The following CNTN5 variants were observed in gnomAD, a reference collection of about 807,000 sequenced individuals.
CNTN5 encodes contactin-5.
Under a neutral mutation model 129.1 loss-of-function variants are expected in CNTN5, and 77 were observed. The ratio of observed to expected loss-of-function variants is 0.60; its 90% confidence interval spans 0.50 to 0.72. The LOEUF (loss-of-function observed/expected upper bound fraction) is 0.72. CNTN5 is among the 30% of genes least tolerant of loss of function. The pLI, the probability that CNTN5 is intolerant of heterozygous loss-of-function variation, is 0.00. For synonymous variants in CNTN5, 509 were observed against 465.6 expected (o/e 1.09, Z -1.20); for missense variants, 1,478 against 1,328.8 (o/e 1.11, Z -1.75).
chr11:99,945,987 G>T (rs1193064968), intron 7 of CNTN5, among the ~76,000 whole-genome samples: 1 of 151,838 alleles, frequency 6.6e-6, no homozygotes, highest in Non-Finnish European at 1.5e-5. Flanking sequence ...TTCTTACCCT[G>T]TTCGTTGTTT....
At chr11:100,332,971 G>A (rs1951937865) in intron 21 of CNTN5, among the ~76,000 whole-genome samples, 1 of 152,066 alleles carries the variant, frequency 6.6e-6, no homozygotes, top group Non-Finnish European at 1.5e-5. Flanking sequence ...AAGAAATAAA[G>A]GGCATCCAAA....
At chr11:99,746,833 T>C (rs1383566482) in intron 3 of CNTN5, among the ~76,000 whole-genome samples, 1 of 152,218 alleles carries the variant, frequency 6.6e-6, no homozygotes, top group Non-Finnish European at 1.5e-5. Context: ...TATAGTGTCA[T>C]AGTAATCTTG....
intron 13 of CNTN5, among the ~76,000 whole-genome samples, chr11:100,117,315 G>A (rs1773243417): frequency 6.6e-6 from 1 of 151,740 alleles, no homozygotes; most frequent in African/African-American, 2.4e-5. Context: ...CCACATCCCT[G>A]TACTTTCAGT....
intron 3 of CNTN5, among the ~76,000 whole-genome samples, chr11:99,750,073 A>G (rs1944181314): frequency 6.6e-6 from 1 of 152,200 alleles, no homozygotes; most frequent in African/African-American, 2.4e-5. Flanking sequence ...CTGTGGATTG[A>G]TATATGAGAG....
chr11:100,292,780 G>T (rs1951018215), intron 18 of CNTN5, among the ~76,000 whole-genome samples: 1 of 151,918 alleles, frequency 6.6e-6, no homozygotes, highest in African/African-American at 2.4e-5. Context: ...TCATAAAATT[G>T]GTTTCCCTAA....
chr11:99,144,236 G>A (rs752431484), intron 1 of CNTN5, among the ~76,000 whole-genome samples: 37 of 152,024 alleles, frequency 2.4e-4, no homozygotes, highest in Admixed American at 9.8e-4. Flanking sequence ...TTTGAATTAA[G>A]AATAAATTCT....
chr11:99,860,656 T>C (rs181681967), intron 6 of CNTN5, among the ~76,000 whole-genome samples: 11 of 152,294 alleles, frequency 7.2e-5, no homozygotes, highest in African/African-American at 2.6e-4. Context: ...TTCTGTTCCA[T>C]TGGTCTGATT....
intron 2 of CNTN5, among the ~76,000 whole-genome samples, chr11:99,356,159 T>G (rs1394035598): frequency 6.7e-6 from 1 of 150,162 alleles, no homozygotes; most frequent in East Asian, 2.0e-4. Flanking sequence ...AATACGGACA[T>G]TTTTTACACT....
chr11:99,227,372 AG>A (rs200724864), intron 1 of CNTN5, among the ~76,000 whole-genome samples: 2,476 of 151,666 alleles, frequency 0.016, 34 homozygotes, highest in African/African-American at 0.035. Context: ...AAAAAAAAAA[AG>A]AAAGAAAAAT....
intron 9 of CNTN5, among the ~76,000 whole-genome samples, chr11:100,052,541 A>T (rs1297116453): frequency 1.3e-5 from 2 of 151,810 alleles, no homozygotes; most frequent in Admixed American, 1.3e-4. Flanking sequence ...TTTGCATAAC[A>T]TTTATGAGAG....
intron 7 of CNTN5, among the ~76,000 whole-genome samples, chr11:99,918,678 G>T (rs1363810429): frequency 6.6e-6 from 1 of 152,134 alleles, no homozygotes; most frequent in Non-Finnish European, 1.5e-5. Flanking sequence ...ATATGGTACA[G>T]TATAGCATAG....
chr11:99,452,744 C>T lies in CNTN5; in HGVS notation c.-70-103401C>T, dbSNP rs138638071. On this transcript the variant is annotated intron_variant, in intron 2 of 24. Coordinates refer to ENST00000524871, the MANE Select transcript of CNTN5 (RefSeq NM_014361.4). ...TGGTAGATTATTATAGTTCTATGTA[C>T]GAATAAGTCATTTCCATAGCAGTAT... Among the ~76,000 whole-genome samples, 264 of 151,946 alleles carry T rather than the reference C, an allele frequency of 1.7e-3. 2 individuals carry two copies. The highest frequency in any genetic ancestry group is 2.9e-3 in the Non-Finnish European group (194 of 67,950).
At chr11:99,767,541 A>T (rs960507803) in intron 3 of CNTN5, among the ~76,000 whole-genome samples, 1 of 151,952 alleles carries the variant, frequency 6.6e-6, no homozygotes, top group African/African-American at 2.4e-5. Context: ...AAAATAGTAC[A>T]TGCCCACATT....
chr11:100,063,105 G>A (rs1943548102), intron 10 of CNTN5, among the ~76,000 whole-genome samples: 1 of 152,060 alleles, frequency 6.6e-6, no homozygotes, highest in Admixed American at 6.6e-5. Context: ...TTCGAAGAAT[G>A]GCCCACACCT....
chr11:99,057,999 A>G (rs912431066), intron 1 of CNTN5, among the ~76,000 whole-genome samples: 1 of 152,102 alleles, frequency 6.6e-6, no homozygotes, highest in Non-Finnish European at 1.5e-5. Flanking sequence ...TTAAAAAACT[A>G]TCTGAGGCAG....
At position 99,495,096 on chromosome 11, in the gene CNTN5, G is replaced by A. The variant is rs117503105; in HGVS notation, c.-70-61049G>A. Among the ~76,000 whole-genome samples the A allele has an allele frequency of 4.6e-3, 705 of 152,222 alleles. 21 individuals carry two copies. In the East Asian group the frequency reaches 0.092, roughly 20 times the overall value. ...TTTATTTAAATCACCCCTGCTGGGC[G>A]TGGTGGCTCATGCCTGTAATCCCAG... is the stretch of plus-strand genomic sequence containing the variant. On this transcript the variant is annotated intron_variant, in intron 2 of 24. Coordinates refer to ENST00000524871, the MANE Select transcript of CNTN5 (RefSeq NM_014361.4).
At chr11:100,350,110 A>G (rs1196199762) in intron 23 of CNTN5, among the ~76,000 whole-genome samples, 1 of 151,900 alleles carries the variant, frequency 6.6e-6, no homozygotes, top group Non-Finnish European at 1.5e-5. Context: ...AAAAGCAAAA[A>G]TTAAAAAAAT....
rs1365013547 is a variant in CNTN5, at chr11:100,121,963, G to T, written c.1580+47669G>T. On this transcript the variant is annotated intron_variant, in intron 13 of 24. Transcript: ENST00000524871. ...CCAATGGAATGGATAGGCAGACATAGAGACAGATGTATACGGGTAGAGAGA... is the reference window on the plus strand; with the variant it reads ...CCAATGGAATGGATAGGCAGACATATAGACAGATGTATACGGGTAGAGAGA... 2.6e-5 allele frequency among the ~76,000 whole-genome samples: 4 copies of T among 152,018 alleles called. No individual in the cohort carries two copies. The East Asian group carries it at 7.7e-4, about 29-fold the overall frequency.
chr11:99,028,237 C>T (rs970715240), intron 1 of CNTN5, among the ~76,000 whole-genome samples: 3 of 151,658 alleles, frequency 2.0e-5, no homozygotes, highest in African/African-American at 7.3e-5. Flanking sequence ...CATTCTTTAA[C>T]GTGGTCTTGT....
Sources: gnomAD v4.1 joint callset for allele counts (sites outside exome capture counted in the v4.1 genomes callset) on GRCh38, gnomAD v4.1.1 for gene constraint, MANE v1.5 for transcripts, NCBI Gene and HGNC (gene_info 2026-07-23, HGNC 2026-07-21) for gene names.